TMEM266: variants seen among roughly 807,000 people sequenced by gnomAD.
The protein encoded by TMEM266 is Hv1 related protein 1.
In TMEM266, 33 loss-of-function variants were observed where a neutral mutation model predicts 50.5. The observed-to-expected ratio is 0.65, with a 90% CI of 0.50 to 0.87. TMEM266 has a LOEUF of 0.87. Ranked by LOEUF, TMEM266 falls within the 40% of genes least tolerant of loss-of-function variation. TMEM266 has a pLI of 0.00. For synonymous variants in TMEM266, 310 were observed against 292.3 expected (o/e 1.06, Z -0.62); for missense variants, 655 against 695.1 (o/e 0.94, Z 0.65).
chr15:76,091,896 CAGG>C (rs1240388256), intron 1 of TMEM266, among the ~76,000 whole-genome samples: 1 of 151,648 alleles, frequency 6.6e-6, no homozygotes, highest in Non-Finnish European at 1.5e-5. Flanking sequence ...GTGGCTGAGG[CAGG>C]AGGATAGCTT....
intron 3 of TMEM266, among the ~76,000 whole-genome samples, chr15:76,155,313 C>G (rs2037908924): frequency 6.6e-6 from 1 of 152,152 alleles, no homozygotes; most frequent in African/African-American, 2.4e-5. Flanking sequence ...GACCTCAGCT[C>G]CCCCATCTCT....
At chr15:76,101,729 C>T (rs566138206) in intron 1 of TMEM266, among the ~76,000 whole-genome samples, 7 of 152,314 alleles carry the variant, frequency 4.6e-5, no homozygotes, top group South Asian at 2.1e-4. Context: ...GGGGATACAC[C>T]GCTCCCACCT....
chr15:76,198,414 G>A (rs998614698), intron 9 of TMEM266, among the ~76,000 whole-genome samples: 1 of 152,194 alleles, frequency 6.6e-6, no homozygotes, highest in African/African-American at 2.4e-5. Context: ...ATGGAAGGTG[G>A]GCAGCCCTGT....
intron 7 of TMEM266, among the ~76,000 whole-genome samples, chr15:76,173,843 G>C (rs554650963): frequency 2.0e-4 from 30 of 151,840 alleles, no homozygotes; most frequent in Middle Eastern, 6.8e-3. Flanking sequence ...TGAGGCATGA[G>C]AATCGCTTGA....
At chr15:76,184,428 T>G (rs1005673468) in intron 8 of TMEM266, among the ~76,000 whole-genome samples, 1 of 152,228 alleles carries the variant, frequency 6.6e-6, no homozygotes, top group Non-Finnish European at 1.5e-5. Flanking sequence ...AAGGTCGATC[T>G]CAGCTTTACT....
intron 9 of TMEM266, among the ~76,000 whole-genome samples, chr15:76,200,548 G>T (rs968773428): frequency 6.6e-6 from 1 of 152,198 alleles, no homozygotes; most frequent in Non-Finnish European, 1.5e-5. Flanking sequence ...CTGCTCTGTG[G>T]ATACTTTAGC....
intron 1 of TMEM266, among the ~76,000 whole-genome samples, chr15:76,063,514 A>G (rs117143938): frequency 0.013 from 2,055 of 152,232 alleles, 19 homozygotes; most frequent in Non-Finnish European, 0.023. Flanking sequence ...AGGTATCTTC[A>G]TAGTCCCTCG....
At chr15:76,183,758 C>T (rs2038455050) in intron 8 of TMEM266, among the ~76,000 whole-genome samples, 2 of 152,224 alleles carry the variant, frequency 1.3e-5, no homozygotes, top group South Asian at 2.1e-4. Context: ...AATGCCATGC[C>T]TCCCTGGCCT....
At chr15:76,127,056 A>G (rs1441520357) in intron 1 of TMEM266, among the ~76,000 whole-genome samples, 2 of 152,186 alleles carry the variant, frequency 1.3e-5, no homozygotes, top group Non-Finnish European at 2.9e-5. Context: ...ATAATGGTCA[A>G]TAACAACATA....
intron 3 of TMEM266, among the ~76,000 whole-genome samples, chr15:76,149,689 G>A (rs1415866322): frequency 6.6e-6 from 1 of 152,208 alleles, no homozygotes; most frequent in African/African-American, 2.4e-5. Context: ...GGAGACAGTA[G>A]TTGCCAGCAA....
At position 76,129,592 on chromosome 15, in the gene TMEM266, G is replaced by A. The variant is rs138952280; in HGVS notation, c.-96-4576G>A. On this transcript the variant is annotated intron_variant, in intron 1 of 10. Transcript: ENST00000388942. Reference sequence around the variant, plus strand: ...GGAGGTGGAGGTTGCAGTGAGCCAAGAATCACACCATTGCACTCCAGCCTG... The same window carrying A: ...GGAGGTGGAGGTTGCAGTGAGCCAAAAATCACACCATTGCACTCCAGCCTG... 2.4e-3 allele frequency among the ~76,000 whole-genome samples: 372 copies of A among 152,128 alleles called. 1 individual carries two copies. Among genetic ancestry groups the A allele is most frequent in the African/African-American group, 8.6e-3 (355 of 41,478 alleles).
chr15:76,136,706 C>T (rs2142031182), intron 2 of TMEM266, among the ~76,000 whole-genome samples: 1 of 152,294 alleles, frequency 6.6e-6, no homozygotes, highest in Non-Finnish European at 1.5e-5. Flanking sequence ...CAAGGACATA[C>T]TGGATGGACC....
chr15:76,181,744 T>C (rs1488440382), intron 8 of TMEM266, among the ~76,000 whole-genome samples: 1 of 152,130 alleles, frequency 6.6e-6, no homozygotes, highest in African/African-American at 2.4e-5. Flanking sequence ...CCATTTTAGA[T>C]GCAGCAGTTA....
At chr15:76,106,196 C>A (rs1022237541) in intron 1 of TMEM266, among the ~76,000 whole-genome samples, 14 of 152,112 alleles carry the variant, frequency 9.2e-5, no homozygotes, top group Non-Finnish European at 1.8e-4. Flanking sequence ...GTACCTGCCA[C>A]GTGCACGGCA....
chr15:76,092,777 A>G (rs1479205281), intron 1 of TMEM266, among the ~76,000 whole-genome samples: 1 of 149,732 alleles, frequency 6.7e-6, no homozygotes, highest in East Asian at 1.9e-4. Flanking sequence ...GGGTTATTGA[A>G]TTCATGACAA....
chr15:76,089,042 C>T (rs1269960463), intron 1 of TMEM266, among the ~76,000 whole-genome samples: 3 of 117,448 alleles, frequency 2.6e-5, no homozygotes, highest in South Asian at 2.9e-4. Flanking sequence ...TGCAGTGAGC[C>T]GAAATCGTGC....
At chr15:76,093,801 G>A (rs1049131303) in intron 1 of TMEM266, among the ~76,000 whole-genome samples, 8 of 151,920 alleles carry the variant, frequency 5.3e-5, no homozygotes, top group African/African-American at 1.7e-4. Context: ...TTTAATGATC[G>A]CCATTTTAAC....
intron 5 of TMEM266, among the ~76,000 whole-genome samples, chr15:76,165,943 G>T (rs1400420933): frequency 6.6e-6 from 1 of 152,164 alleles, no homozygotes; most frequent in East Asian, 1.9e-4. Flanking sequence ...TGCTCCGGGG[G>T]AGTTTGTTTA....
In TMEM266 at chr15:76,175,569, G is replaced by A. The variant is rs1249612733; in HGVS notation, c.663G>A (p.Leu221=). The A allele has an allele frequency of 5.0e-6, 8 of 1,613,874 alleles. No homozygotes were observed. Among genetic ancestry groups the A allele is most frequent in the Non-Finnish European group, 6.8e-6 (8 of 1,179,798 alleles). Residue 221 remains leucine (L), a synonymous_variant, in exon 8 of 11, where the codon CTG becomes CTA. Coordinates refer to ENST00000388942, the MANE Select transcript of TMEM266 (RefSeq NM_152335.3). The stretch of plus-strand genomic sequence containing the variant: ...GTCTCTGTCTTCCAGCCTACGTCCT[G>A]CCAGTGAAGCTGGAGATGGAGATGG...
Sources: allele counts gnomAD v4.1 joint callset (sites outside exome capture counted in the v4.1 genomes callset), GRCh38; gene constraint gnomAD v4.1.1; transcripts MANE v1.5; gene names NCBI Gene and HGNC (gene_info 2026-07-23, HGNC 2026-07-21).